Variants in GRIN2B observed in about 807,000 individuals in gnomAD.
GRIN2B encodes glutamate ionotropic receptor NMDA type subunit 2B, also known as glutamate receptor ionotropic, NMDA 2B.
Under a neutral mutation model 114.5 loss-of-function variants are expected in GRIN2B, and 5 were observed. The ratio of observed to expected loss-of-function variants is 0.04; its 90% CI spans 0.02 to 0.09. GRIN2B has a LOEUF of 0.09. Ranked by LOEUF, GRIN2B falls within the 10% of genes least tolerant of loss-of-function variation. The probability of loss-of-function intolerance (pLI) is 1.00; values close to 1 mark genes in which losing one functional copy is unlikely to be tolerated. For synonymous variants in GRIN2B, 787 were observed against 745.1 expected (o/e 1.06, Z -0.92); for missense variants, 1,108 against 1,943.5 (o/e 0.57, Z 8.08).
At chr12:13,729,599 G>A (rs1235197430) in intron 4 of GRIN2B, among the ~76,000 whole-genome samples, 1 of 152,146 alleles carries the variant, frequency 6.6e-6, no homozygotes, top group Non-Finnish European at 1.5e-5. Flanking sequence ...CACTGGAGAA[G>A]TGCAACAGAA....
At chr12:13,891,707 T>C (rs904873687) in intron 2 of GRIN2B, among the ~76,000 whole-genome samples, 5 of 152,110 alleles carry the variant, frequency 3.3e-5, no homozygotes, top group Admixed American at 6.6e-5. Context: ...AACTGCAAAA[T>C]TGAATCCTCT....
intron 10 of GRIN2B, among the ~76,000 whole-genome samples, chr12:13,574,746 G>A (rs1026424995): frequency 1.3e-5 from 2 of 152,194 alleles, no homozygotes; most frequent in East Asian, 1.9e-4. Context: ...ATAAATAAAA[G>A]CTAAAGAAAT....
chr12:13,770,952 CA>C (rs1863896706), intron 3 of GRIN2B, among the ~76,000 whole-genome samples: 1 of 152,192 alleles, frequency 6.6e-6, no homozygotes, highest in African/African-American at 2.4e-5. Flanking sequence ...ATGATTTCGA[CA>C]ACTGGTTTCT....
At chr12:13,952,397 C>T (rs992093832) in intron 2 of GRIN2B, among the ~76,000 whole-genome samples, 1 of 152,182 alleles carries the variant, frequency 6.6e-6, no homozygotes, top group Non-Finnish European at 1.5e-5. Context: ...TAGTTAGCAA[C>T]GGTCCTCCTG....
intron 3 of GRIN2B, among the ~76,000 whole-genome samples, chr12:13,807,929 A>T (rs1410185036): frequency 6.6e-6 from 1 of 152,006 alleles, no homozygotes; most frequent in Non-Finnish European, 1.5e-5. Flanking sequence ...TAGAAAGATA[A>T]TCCATAATCT....
intron 5 of GRIN2B, among the ~76,000 whole-genome samples, chr12:13,646,328 T>C (rs1339914314): frequency 6.6e-6 from 1 of 152,130 alleles, no homozygotes; most frequent in Non-Finnish European, 1.5e-5. Context: ...ATACCTGCCT[T>C]AGTGTGTCTC....
intron 2 of GRIN2B, among the ~76,000 whole-genome samples, chr12:13,963,710 CT>C (rs1367334013): frequency 6.6e-6 from 1 of 152,204 alleles, no homozygotes; most frequent in Non-Finnish European, 1.5e-5. Context: ...AAAGACCCAG[CT>C]TTTGACTCCC....
At chr12:13,609,566 G>T (rs1230927901) in intron 9 of GRIN2B, among the ~76,000 whole-genome samples, 1 of 152,186 alleles carries the variant, frequency 6.6e-6, no homozygotes, top group Non-Finnish European at 1.5e-5. Context: ...GAGGTCAGGA[G>T]ATCGAGACCA....
intron 3 of GRIN2B, among the ~76,000 whole-genome samples, chr12:13,843,574 A>G (rs1865423262): frequency 6.6e-6 from 1 of 152,194 alleles, no homozygotes; most frequent in Admixed American, 6.6e-5. Flanking sequence ...GTAAGCTACT[A>G]GAAGATTAGC....
At chr12:13,573,484 CAGT>C (rs1422509234) in intron 10 of GRIN2B, among the ~76,000 whole-genome samples, 2 of 149,200 alleles carry the variant, frequency 1.3e-5, no homozygotes, top group African/African-American at 5.0e-5. Context: ...ACCTGGCACA[CAGT>C]AGGTGCCCAA....
chr12:13,758,958 G>C (rs917028269), intron 3 of GRIN2B, among the ~76,000 whole-genome samples: 1 of 151,296 alleles, frequency 6.6e-6, no homozygotes, highest in Admixed American at 6.6e-5. Context: ...TACTGGGTGG[G>C]AGAGTAACTG....
intron 3 of GRIN2B, among the ~76,000 whole-genome samples, chr12:13,833,241 G>A (rs1196752144): frequency 6.6e-6 from 1 of 152,138 alleles, no homozygotes; most frequent in East Asian, 1.9e-4. Flanking sequence ...AAAGATGCCT[G>A]ATCACTAAAA....
In GRIN2B at chr12:13,753,511, C is replaced by T; in HGVS notation, c.816G>A (p.Glu272=). 3 of 1,614,176 alleles carry T rather than the reference C, an allele frequency of 1.9e-6. No homozygotes were observed. Among genetic ancestry groups the T allele is most frequent in the Non-Finnish European group, 2.5e-6 (3 of 1,180,024 alleles). The change falls in exon 4 of 14, where the codon GAG becomes GAA. Residue 272 remains glutamate (E), a synonymous_variant. Transcript: ENST00000609686. The surrounding 1 kb of genome is among the most constrained non-coding windows in gnomAD (Gnocchi z 6.2). Reference sequence around the variant, plus strand: ...ATACAGAGATGAGCCCAGTGGGGAACTCCGCAGGCACTGTGTCTGTATCCC... The same window carrying T: ...ATACAGAGATGAGCCCAGTGGGGAATTCCGCAGGCACTGTGTCTGTATCCC... ...VAGDTDTVPA[E]FPTGLISVSY...
At position 13,792,715 on chromosome 12, in the gene GRIN2B, G is replaced by C. The variant is rs1821927873; in HGVS notation, c.412-38800C>G. On this transcript the variant is annotated intron_variant, in intron 3 of 13. Transcript: ENST00000609686. Reference sequence around the variant, plus strand: ...GGCCATGGTGCAAGGCAGATGCTGTGGCACCTGACAGAAGCAGCAGCCATG... The same window carrying C: ...GGCCATGGTGCAAGGCAGATGCTGTCGCACCTGACAGAAGCAGCAGCCATG... Among the ~76,000 whole-genome samples, 3 of 152,160 alleles carry C rather than the reference G, an allele frequency of 2.0e-5. No individual in the cohort carries two copies. The South Asian group carries it at 6.2e-4, about 32-fold the overall frequency.
intron 2 of GRIN2B, among the ~76,000 whole-genome samples, chr12:13,885,237 A>G (rs1373448143): frequency 2.0e-5 from 3 of 152,220 alleles, no homozygotes; most frequent in African/African-American, 7.2e-5. Context: ...ATCAATTTCC[A>G]GATTTTAGCA....
At chr12:13,620,247 C>A (rs905812236) in intron 5 of GRIN2B, among the ~76,000 whole-genome samples, 1 of 152,286 alleles carries the variant, frequency 6.6e-6, no homozygotes, top group South Asian at 2.1e-4. Flanking sequence ...GCTTATTTTT[C>A]ACACCTGTAA....
intron 2 of GRIN2B, among the ~76,000 whole-genome samples, chr12:13,966,419 T>A (rs1565603612): frequency 6.6e-6 from 1 of 152,256 alleles, no homozygotes; most frequent in African/African-American, 2.4e-5. Flanking sequence ...TGTGATCAGT[T>A]CATGGTGACT....
chr12:13,949,456 C>G (rs546646511), intron 2 of GRIN2B, among the ~76,000 whole-genome samples: 1 of 152,060 alleles, frequency 6.6e-6, no homozygotes, highest in Non-Finnish European at 1.5e-5. Context: ...TCTGAACACT[C>G]AACCAGAGGG....
intron 5 of GRIN2B, among the ~76,000 whole-genome samples, chr12:13,667,695 A>C (rs1444543473): frequency 1.3e-5 from 2 of 152,190 alleles, no homozygotes; most frequent in Non-Finnish European, 2.9e-5. Flanking sequence ...GGAAGAGAAA[A>C]AAGTAGATTG....
Sources: gnomAD v4.1 joint callset for allele counts (sites outside exome capture counted in the v4.1 genomes callset) on GRCh38, gnomAD v4.1.1 for gene constraint, Gnocchi (gnomAD v3.1) non-coding constraint, MANE v1.5 for transcripts, NCBI Gene and HGNC (gene_info 2026-07-23, HGNC 2026-07-21) for gene names.